The following PHACTR4 variants were observed in gnomAD, a reference collection of about 807,000 sequenced individuals.
The protein encoded by PHACTR4 is phosphatase and actin regulator 4.
Under a neutral mutation model 72.7 loss-of-function variants are expected in PHACTR4, and 51 were observed. The ratio of observed to expected loss-of-function variants is 0.70; its 90% CI spans 0.56 to 0.89. The LOEUF is 0.89. Ranked by LOEUF, PHACTR4 falls within the 40% of genes least tolerant of loss-of-function variation. PHACTR4 has a pLI of 0.00. For synonymous variants in PHACTR4, 255 were observed against 302.5 expected, an observed-to-expected ratio of 0.84 and a Z score of 1.63; for missense variants, 731 against 861.8, an observed-to-expected ratio of 0.85 and a Z score of 1.90.
chr1:28,468,212 T>C (rs1000249630), intron 6 of PHACTR4, among the ~76,000 whole-genome samples: 13 of 152,192 alleles, frequency 8.5e-5, no homozygotes, highest in African/African-American at 3.1e-4. Flanking sequence ...CACATACTTA[T>C]TTTCAAAACT....
chr1:28,490,923 ATTCC>A (rs761859915), intron 10 of PHACTR4, 24 bp from the exon 11 acceptor site: 8 of 1,601,492 alleles, frequency 5.0e-6, no homozygotes, highest in Non-Finnish European at 6.0e-6. Context: ...TGTGAGTAAT[ATTCC>A]TTCCTTCTGA....
intron 2 of PHACTR4, among the ~76,000 whole-genome samples, chr1:28,408,558 T>TAAAAG (rs1292137882): frequency 6.6e-6 from 1 of 151,842 alleles, no homozygotes; most frequent in Admixed American, 6.6e-5. Flanking sequence ...GACTCTGTCT[T>TAAAAG]AAAAGAAAAG....
At chr1:28,410,231 G>A (rs1272498533) in intron 2 of PHACTR4, among the ~76,000 whole-genome samples, 3 of 99,478 alleles carry the variant, frequency 3.0e-5, no homozygotes, top group Middle Eastern at 6.0e-3. Flanking sequence ...CTCCCAAAGT[G>A]CTGGGATTAC....
intron 7 of PHACTR4, among the ~76,000 whole-genome samples, chr1:28,474,893 T>G (rs906851804): frequency 6.6e-6 from 1 of 152,076 alleles, no homozygotes; most frequent in African/African-American, 2.4e-5. Context: ...GAATAAGTTA[T>G]AGAATTTGGA....
chr1:28,372,198 A>G (rs1651301880), intron 1 of PHACTR4, among the ~76,000 whole-genome samples: 1 of 152,084 alleles, frequency 6.6e-6, no homozygotes, highest in Non-Finnish European at 1.5e-5. Context: ...AAAAAATTCT[A>G]AAGAAGGTCA....
intron 1 of PHACTR4, among the ~76,000 whole-genome samples, chr1:28,383,411 A>C (rs544327320): frequency 6.6e-5 from 10 of 152,134 alleles, no homozygotes; most frequent in Non-Finnish European, 1.0e-4. Flanking sequence ...TTTAATAGGA[A>C]TGGCATGGAA....
rs944334300 is a variant in PHACTR4, at chr1:28,487,442, G to A, written c.1761-1728G>A. 6.0e-5 allele frequency among the ~76,000 whole-genome samples: 9 copies of A among 150,220 alleles called. No individual in the cohort carries two copies. The East Asian group carries it at 7.8e-4, about 13-fold the overall frequency. ...AGGTAGGAGGATCATTTGAGCCTAG[G>A]AGGTGGAGCTGCAGTGAGCTGTGAT... On this transcript the variant is annotated intron_variant, in intron 9 of 13. Coordinates refer to ENST00000373839, the MANE Select transcript of PHACTR4 (RefSeq NM_001048183.3).
At chr1:28,423,459 C>A (rs563237484) in intron 2 of PHACTR4, among the ~76,000 whole-genome samples, 5 of 150,394 alleles carry the variant, frequency 3.3e-5, no homozygotes, top group Admixed American at 2.0e-4. Context: ...AAATAAATAT[C>A]TTGCGCTCTC....
At chr1:28,430,448 C>T (rs1387654254) in intron 2 of PHACTR4, among the ~76,000 whole-genome samples, 2 of 152,144 alleles carry the variant, frequency 1.3e-5, no homozygotes, top group Admixed American at 6.5e-5. Flanking sequence ...ACCAGCAAGG[C>T]TTTCTAATTT....
At chr1:28,478,597 C>A (rs1458036523) in intron 8 of PHACTR4, among the ~76,000 whole-genome samples, 1 of 151,676 alleles carries the variant, frequency 6.6e-6, no homozygotes, top group Non-Finnish European at 1.5e-5. Flanking sequence ...ATGCCCAGCT[C>A]ATTTTAGTTT....
At chr1:28,474,262 G>A in intron 7 of PHACTR4, 111 bp downstream of exon 7, 2 of 1,010,094 alleles carry the variant, frequency 2.0e-6, no homozygotes, top group Non-Finnish European at 2.9e-6. Context: ...GCCCACACCT[G>A]TAAGCCCAGC....
intron 9 of PHACTR4, among the ~76,000 whole-genome samples, chr1:28,488,886 T>G (rs537079530): frequency 1.3e-5 from 2 of 152,144 alleles, no homozygotes; most frequent in South Asian, 4.1e-4. Context: ...ACACTCAAGG[T>G]CTAACTGAAC....
intron 2 of PHACTR4, among the ~76,000 whole-genome samples, chr1:28,455,202 T>TC (rs1658300158): frequency 5.7e-5 from 5 of 87,358 alleles, no homozygotes. Context: ...TTCTTTCTTT[T>TC]TTTTTTTTTT....
At position 28,388,011 on chromosome 1, in the gene PHACTR4, A is replaced by G. The variant is rs1652700942; in HGVS notation, c.-39+18186A>G. ...CCAAAGTGCTGGGATTACAGGTGTAAGCCACCATGCCCGGCCTTTGTTTTT... is the reference window on the plus strand; with the variant it reads ...CCAAAGTGCTGGGATTACAGGTGTAGGCCACCATGCCCGGCCTTTGTTTTT... On this transcript the variant is annotated intron_variant, in intron 1 of 13. Transcript: ENST00000373839. Among the ~76,000 whole-genome samples, 4 of 151,966 alleles carry G rather than the reference A, an allele frequency of 2.6e-5. 1 individual carries two copies. The South Asian group carries it at 8.3e-4, about 32-fold the overall frequency.
At chr1:28,454,781 G>A (rs1055132428) in intron 2 of PHACTR4, among the ~76,000 whole-genome samples, 2 of 152,106 alleles carry the variant, frequency 1.3e-5, no homozygotes, top group Non-Finnish European at 2.9e-5. Flanking sequence ...ACAACTGTAA[G>A]CTTCTGTTGT....
intron 9 of PHACTR4, chr1:28,481,249 C>G (rs905608528): frequency 6.6e-6 from 1 of 152,278 alleles, no homozygotes; most frequent in Non-Finnish European, 1.5e-5. Context: ...AGGCTGGTCT[C>G]AAACTCATGG....
intron 1 of PHACTR4, among the ~76,000 whole-genome samples, chr1:28,371,622 A>C (rs1250994451): frequency 6.6e-6 from 1 of 151,482 alleles, no homozygotes; most frequent in East Asian, 2.0e-4. Context: ...TTTTTGAAAT[A>C]GGGTCTCGCT....
At chr1:28,459,941 C>G (rs1257049608) in intron 3 of PHACTR4, among the ~76,000 whole-genome samples, 2 of 152,152 alleles carry the variant, frequency 1.3e-5, no homozygotes, top group Non-Finnish European at 2.9e-5. Flanking sequence ...CCCATCCACA[C>G]AAAGTTCATC....
chr1:28,481,096 A>G (rs896678932), intron 9 of PHACTR4, among the ~76,000 whole-genome samples: 2 of 151,862 alleles, frequency 1.3e-5, no homozygotes, highest in Admixed American at 6.6e-5. Flanking sequence ...CAGTGGTTCA[A>G]TCATGGCTCA....
Sources: allele counts gnomAD v4.1 joint callset (sites outside exome capture counted in the v4.1 genomes callset), GRCh38; gene constraint gnomAD v4.1.1; transcripts MANE v1.5; gene names NCBI Gene and HGNC (gene_info 2026-07-23, HGNC 2026-07-21).